The following ZNF148 variants were observed in gnomAD, a reference collection of about 807,000 sequenced individuals.
The protein encoded by ZNF148 is zinc finger protein 148.
Under a neutral mutation model 67.7 loss-of-function variants are expected in ZNF148, and 7 were observed. The observed-to-expected ratio is 0.10, with a 90% confidence interval of 0.06 to 0.19. The LOEUF (loss-of-function observed/expected upper bound fraction) is 0.19. Ranked by LOEUF, ZNF148 falls within the 10% of genes least tolerant of loss-of-function variation. The pLI is 1.00. For missense variants in ZNF148, 583 were observed against 947.1 expected (o/e 0.62, Z 5.05); for synonymous variants, 333 against 330.7 (o/e 1.01, Z -0.08).
intron 1 of ZNF148, among the ~76,000 whole-genome samples, chr3:125,355,886 T>C (rs1347594639): frequency 3.3e-5 from 5 of 152,206 alleles, no homozygotes. Context: ...ATTCCATCCA[T>C]GCCTTGTAAA....
At chr3:125,312,645 GCA>G (rs1473665762) in intron 4 of ZNF148, among the ~76,000 whole-genome samples, 1 of 152,078 alleles carries the variant, frequency 6.6e-6, no homozygotes, top group African/African-American at 2.4e-5. Flanking sequence ...AAGTCCTAAA[GCA>G]AAAGAAAAAG....
intron 1 of ZNF148, among the ~76,000 whole-genome samples, chr3:125,353,491 C>T (rs1024570430): frequency 6.6e-6 from 1 of 151,884 alleles, no homozygotes; most frequent in African/African-American, 2.4e-5. Context: ...AGTAATATAC[C>T]AATGTCAATT....
chr3:125,245,438 G>T (rs141350899), intron 7 of ZNF148, among the ~76,000 whole-genome samples: 65 of 152,272 alleles, frequency 4.3e-4, no homozygotes, highest in African/African-American at 1.5e-3. Context: ...TGCCTCCCCA[G>T]CCATGTGGAA....
chr3:125,337,423 T>C (rs938077542), intron 1 of ZNF148, among the ~76,000 whole-genome samples: 2 of 152,228 alleles, frequency 1.3e-5, no homozygotes, highest in African/African-American at 4.8e-5. Flanking sequence ...CAAGCAACTA[T>C]GTAATCCTTC....
At chr3:125,259,154 C>G (rs1041520732) in intron 7 of ZNF148, among the ~76,000 whole-genome samples, 1 of 152,058 alleles carries the variant, frequency 6.6e-6, no homozygotes, top group Admixed American at 6.5e-5. Flanking sequence ...ATGAAAAACT[C>G]TCAAAAATCA....
intron 1 of ZNF148, among the ~76,000 whole-genome samples, chr3:125,331,763 C>A (rs564277522): frequency 6.6e-6 from 1 of 152,094 alleles, no homozygotes. Context: ...AATGGTCCAT[C>A]GATATTTTTT....
chr3:125,351,092 G>A (rs761846691), intron 1 of ZNF148, among the ~76,000 whole-genome samples: 1 of 151,996 alleles, frequency 6.6e-6, no homozygotes, highest in African/African-American at 2.4e-5. Flanking sequence ...CTGTAATCCC[G>A]GCACTCTGAG....
In ZNF148 at chr3:125,280,126, CAAAT is replaced by C. The variant is rs544251925; in HGVS notation, c.460-883_460-880del. On this transcript the variant is annotated intron_variant, in intron 5 of 8. Transcript: ENST00000360647. Reference sequence around the variant, plus strand: ...TAAACATATTCCTAAGAATATTTGTCAAATAAATAAATTAGAAGTGGGTATGGGG... The same window carrying C: ...TAAACATATTCCTAAGAATATTTGTCAAATAAATTAGAAGTGGGTATGGGG... 2.6e-3 allele frequency among the ~76,000 whole-genome samples: 397 copies of C among 152,064 alleles called. 1 individual carries two copies. Among genetic ancestry groups the C allele is most frequent in the African/African-American group, 9.2e-3 (381 of 41,492 alleles).
intron 7 of ZNF148, among the ~76,000 whole-genome samples, chr3:125,258,348 C>A (rs1166608517): frequency 2.2e-5 from 3 of 134,150 alleles, no homozygotes; most frequent in African/African-American, 8.6e-5. Context: ...TGGCGTGAAC[C>A]CGGGAGGCAG....
chr3:125,242,821 C>T (rs1214158975), intron 7 of ZNF148, among the ~76,000 whole-genome samples: 1 of 152,180 alleles, frequency 6.6e-6, no homozygotes, highest in Non-Finnish European at 1.5e-5. Flanking sequence ...TAATCACACA[C>T]TAATTAAGTT....
At chr3:125,374,133 T>G (rs1405312771) in intron 1 of ZNF148, among the ~76,000 whole-genome samples, 1 of 152,098 alleles carries the variant, frequency 6.6e-6, no homozygotes, top group Non-Finnish European at 1.5e-5. Flanking sequence ...GAGGTTCTCA[T>G]ACTCATTGGT....
chr3:125,241,582 C>T (rs1936362979), intron 7 of ZNF148, among the ~76,000 whole-genome samples: 1 of 152,176 alleles, frequency 6.6e-6, no homozygotes, highest in African/African-American at 2.4e-5. Context: ...ATCTTAGCAG[C>T]AGAAAGAGAA....
At chr3:125,352,549 A>G (rs1323067414) in intron 1 of ZNF148, among the ~76,000 whole-genome samples, 2 of 152,174 alleles carry the variant, frequency 1.3e-5, no homozygotes, top group African/African-American at 4.8e-5. Flanking sequence ...TTATACCTCA[A>G]TAACACCGTT....
At chr3:125,235,548 T>C (rs1431431689) in intron 7 of ZNF148, among the ~76,000 whole-genome samples, 4 of 152,178 alleles carry the variant, frequency 2.6e-5, no homozygotes, top group African/African-American at 4.8e-5. Context: ...GTGAAAGGTA[T>C]CTTTAAGTTT....
At chr3:125,351,744 G>A (rs1238074075) in intron 1 of ZNF148, among the ~76,000 whole-genome samples, 2 of 152,064 alleles carry the variant, frequency 1.3e-5, no homozygotes, top group Non-Finnish European at 2.9e-5. Flanking sequence ...CAAAAGATCA[G>A]AAGACATTTC....
At chr3:125,257,558 TAAAAAAAAA>T (rs747363908) in intron 7 of ZNF148, among the ~76,000 whole-genome samples, 1 of 92,326 alleles carries the variant, frequency 1.1e-5, no homozygotes, top group South Asian at 4.1e-4. Flanking sequence ...CCGTCTCTAT[TAAAAAAAAA>T]AAAAAAAAAA....
At chr3:125,341,929 G>A (rs1174760546) in intron 1 of ZNF148, among the ~76,000 whole-genome samples, 2 of 151,632 alleles carry the variant, frequency 1.3e-5, no homozygotes, top group Non-Finnish European at 2.9e-5. Context: ...CTGGGAGGTG[G>A]TGGCTGCAGT....
At chr3:125,371,382 G>T (rs1363372023) in intron 1 of ZNF148, among the ~76,000 whole-genome samples, 4 of 135,024 alleles carry the variant, frequency 3.0e-5, no homozygotes, top group Admixed American at 7.5e-5. Context: ...AGGGGGGGGG[G>T]GGGGCAGGGC....
chr3:125,277,899 C>A, intron 6 of ZNF148, 90 bp from the exon 7 acceptor site: 1 of 1,039,810 alleles, frequency 9.6e-7, no homozygotes, highest in Non-Finnish European at 1.3e-6. Context: ...TCTTAGATGC[C>A]CAAATTTTGG....
Sources: allele counts gnomAD v4.1 joint callset (sites outside exome capture counted in the v4.1 genomes callset), GRCh38; gene constraint gnomAD v4.1.1; transcripts MANE v1.5; gene names NCBI Gene and HGNC (gene_info 2026-07-23, HGNC 2026-07-21).